The following ATG10 variants were observed in gnomAD, a reference collection of about 807,000 sequenced individuals.
ATG10 encodes ubiquitin-like-conjugating enzyme ATG10.
Under a neutral mutation model 32.1 loss-of-function variants are expected in ATG10, and 30 were observed. The observed-to-expected ratio is 0.94, with a 90% CI of 0.70 to 1.27. The LOEUF is 1.27. Ranked by LOEUF, ATG10 falls within the 50% of genes most tolerant of loss-of-function variation. The pLI is 0.00. For missense variants in ATG10, 233 were observed against 262.3 expected, an observed-to-expected ratio of 0.89 and a Z score of 0.77; for synonymous variants, 87 against 91.5, an observed-to-expected ratio of 0.95 and a Z score of 0.28.
intron 2 of ATG10, among the ~76,000 whole-genome samples, chr5:82,040,322 G>T (rs998734980): frequency 1.3e-5 from 2 of 152,114 alleles, no homozygotes. Flanking sequence ...CATCAAATTA[G>T]CAAAGAATAA....
chr5:82,087,869 A>T (rs891779483), intron 3 of ATG10, among the ~76,000 whole-genome samples: 1 of 152,150 alleles, frequency 6.6e-6, no homozygotes, highest in African/African-American at 2.4e-5. Context: ...CAGGTGATAG[A>T]TAGGTTTGTG....
chr5:82,083,152 G>T lies in ATG10; in HGVS notation c.216+24550G>T, dbSNP rs576325385. 2.0e-5 allele frequency among the ~76,000 whole-genome samples: 3 copies of T among 152,196 alleles called. No homozygotes were observed. In the South Asian group the frequency reaches 6.2e-4, roughly 31 times the overall value. On this transcript the variant is annotated intron_variant, in intron 3 of 7. Coordinates refer to ENST00000282185, the MANE Select transcript of ATG10 (RefSeq NM_031482.5). ...AACCCTAATACTGTGCTTTTCCAAG[G>T]GTCTTAGCAAACGGCACACCAGGAG... is the stretch of plus-strand genomic sequence containing the variant.
At chr5:82,079,221 G>C (rs1309016847) in intron 3 of ATG10, among the ~76,000 whole-genome samples, 1 of 152,136 alleles carries the variant, frequency 6.6e-6, no homozygotes, top group Non-Finnish European at 1.5e-5. Flanking sequence ...ATATACCCGA[G>C]ACTAGGAAGG....
Position 82,095,578 on chromosome 5 carries a change from C to A in ATG10, c.216+36976C>A, listed in dbSNP as rs192245760. On this transcript the variant is annotated intron_variant, in intron 3 of 7. Transcript: ENST00000282185. ...GCTCAATTTTTGTCTAAAATCTGAT[C>A]TTCAATTAAGGGAATCACAGAGTAT... 5.3e-5 allele frequency among the ~76,000 whole-genome samples: 8 copies of A among 152,260 alleles called. No individual in the cohort carries two copies. The East Asian group carries it at 1.4e-3, about 26-fold the overall frequency.
rs113699945 is a variant in ATG10 at position 82,039,828 on chromosome 5, C to G, written c.109-18667C>G. 2.4e-3 allele frequency among the ~76,000 whole-genome samples: 358 copies of G among 152,172 alleles called. 2 individuals carry two copies. Among genetic ancestry groups the G allele is most frequent in the African/African-American group, 7.9e-3 (327 of 41,522 alleles). ...AGTTATATCTCATGATTTTTTTGGT[C>G]AGGACTTCAGCCAGGGCTTTGCTGG... is the stretch of plus-strand genomic sequence containing the variant. On this transcript the variant is annotated intron_variant, in intron 2 of 7. Coordinates refer to ENST00000282185, the MANE Select transcript of ATG10 (RefSeq NM_031482.5).
chr5:82,103,248 C>G (rs775953516), intron 3 of ATG10, among the ~76,000 whole-genome samples: 2 of 152,012 alleles, frequency 1.3e-5, no homozygotes, highest in Non-Finnish European at 2.9e-5. Context: ...TGTTCTTGGT[C>G]TAGTAAAATG....
intron 3 of ATG10, among the ~76,000 whole-genome samples, chr5:82,158,900 G>A (rs948029308): frequency 2.0e-5 from 3 of 152,026 alleles, no homozygotes; most frequent in Admixed American, 6.6e-5. Flanking sequence ...ATATAGTCCC[G>A]CTTTATTGGT....
intron 5 of ATG10, among the ~76,000 whole-genome samples, chr5:82,220,420 G>A (rs537624009): frequency 8.6e-5 from 13 of 151,782 alleles, no homozygotes; most frequent in Non-Finnish European, 1.8e-4. Flanking sequence ...CCGCCACCAC[G>A]CCTGGCCAAT....
At chr5:82,163,952 C>A (rs1483804075) in intron 3 of ATG10, among the ~76,000 whole-genome samples, 2 of 152,162 alleles carry the variant, frequency 1.3e-5, no homozygotes. Context: ...GGGAATTGTT[C>A]AGCACACAAT....
intron 3 of ATG10, among the ~76,000 whole-genome samples, chr5:82,110,486 G>A (rs1287240394): frequency 1.2e-4 from 19 of 152,084 alleles, no homozygotes; most frequent in South Asian, 6.2e-4. Context: ...TTTAATGATC[G>A]CCATTCTAAC....
chr5:82,161,890 T>C (rs1743363208), intron 3 of ATG10, among the ~76,000 whole-genome samples: 1 of 150,616 alleles, frequency 6.6e-6, no homozygotes, highest in African/African-American at 2.4e-5. Context: ...AAATTTAACA[T>C]CTTTATAATT....
chr5:82,181,993 T>C (rs891905680), intron 5 of ATG10, among the ~76,000 whole-genome samples: 56 of 152,272 alleles, frequency 3.7e-4, no homozygotes, highest in African/African-American at 1.3e-3. Flanking sequence ...TGAAAGAAAG[T>C]TAACAGGTAC....
intron 4 of ATG10, among the ~76,000 whole-genome samples, chr5:82,167,988 A>C (rs533489048): frequency 1.3e-5 from 2 of 152,354 alleles, no homozygotes; most frequent in South Asian, 2.1e-4. Flanking sequence ...TTGAGTAATA[A>C]TAAATAGCCT....
At chr5:82,178,640 T>C (rs1289071271) in intron 5 of ATG10, 53 bp downstream of exon 5, 12 of 1,210,974 alleles carry the variant, frequency 9.9e-6, no homozygotes, top group Non-Finnish European at 1.5e-5. Flanking sequence ...TCTTTCCCGC[T>C]GCTCATCTTT....
At chr5:82,061,999 T>A (rs1161509677) in intron 3 of ATG10, among the ~76,000 whole-genome samples, 3 of 151,600 alleles carry the variant, frequency 2.0e-5, no homozygotes, top group African/African-American at 7.3e-5. Context: ...CTAGCTGATT[T>A]AAGAATTTTT....
At chr5:82,129,645 C>A (rs1194630186) in intron 3 of ATG10, among the ~76,000 whole-genome samples, 3 of 152,126 alleles carry the variant, frequency 2.0e-5, no homozygotes, top group Non-Finnish European at 4.4e-5. Context: ...CCACTCAAAC[C>A]CTGTTTGCCT....
At chr5:82,009,814 C>G in intron 2 of ATG10, 1 of 1,606,532 alleles carries the variant, frequency 6.2e-7, no homozygotes, top group Non-Finnish European at 8.5e-7. Context: ...ATGCCAGGAC[C>G]TGTATGCTTT....
chr5:82,139,517 G>A (rs1291431780), intron 3 of ATG10, among the ~76,000 whole-genome samples: 190 of 143,082 alleles, frequency 1.3e-3, no homozygotes, highest in African/African-American at 4.6e-3. Flanking sequence ...TGTGAGGAGC[G>A]CCTCTGCCCG....
chr5:81,983,039 A>G (rs932636720), intron 1 of ATG10, among the ~76,000 whole-genome samples: 87 of 152,208 alleles, frequency 5.7e-4, no homozygotes, highest in African/African-American at 2.0e-3. Context: ...CGCCATTGTC[A>G]TCATGGCCCA....
Sources: allele counts gnomAD v4.1 joint callset (sites outside exome capture counted in the v4.1 genomes callset), GRCh38; gene constraint gnomAD v4.1.1; transcripts MANE v1.5; gene names NCBI Gene and HGNC (gene_info 2026-07-23, HGNC 2026-07-21).